The following ARID1B variants were observed in gnomAD, a reference collection of about 807,000 sequenced individuals.
ARID1B encodes AT-rich interactive domain-containing protein 1B.
In ARID1B, 30 loss-of-function variants were observed where a neutral mutation model predicts 212.3. The ratio of observed to expected loss-of-function variants is 0.14; its 90% confidence interval spans 0.11 to 0.19. The LOEUF is 0.19. Among genes scored for constraint, ARID1B ranks in the 10% least tolerant of loss-of-function variants. The pLI is 1.00. For synonymous variants in ARID1B, 1,402 were observed against 1,301.7 expected (o/e 1.08, Z -1.66); for missense variants, 2,891 against 3,204.0 (o/e 0.90, Z 2.36).
At chr6:157,040,254 ATAAAGGTC>A (rs1781793840) in intron 4 of ARID1B, among the ~76,000 whole-genome samples, 1 of 152,220 alleles carries the variant, frequency 6.6e-6, no homozygotes, top group African/African-American at 2.4e-5. Context: ...ACCTTATTTC[ATAAAGGTC>A]TAGGTATTCA....
intron 4 of ARID1B, among the ~76,000 whole-genome samples, chr6:157,073,159 G>A (rs937209169): frequency 4.1e-5 from 6 of 146,622 alleles, no homozygotes; most frequent in African/African-American, 1.5e-4. Context: ...CTGGAGTGCA[G>A]TGGTACAATC....
intron 5 of ARID1B, among the ~76,000 whole-genome samples, chr6:157,108,171 T>G (rs1438223944): frequency 6.6e-6 from 1 of 152,230 alleles, no homozygotes. Context: ...CTCTTGTATC[T>G]TTAACAGAAT....
At chr6:156,975,788 C>T (rs1162285362) in intron 4 of ARID1B, among the ~76,000 whole-genome samples, 1 of 152,022 alleles carries the variant, frequency 6.6e-6, no homozygotes, top group Non-Finnish European at 1.5e-5. Context: ...CACAGTGGTG[C>T]ATGTCACGAG....
At chr6:156,999,915 G>A (rs1778813003) in intron 4 of ARID1B, among the ~76,000 whole-genome samples, 1 of 152,220 alleles carries the variant, frequency 6.6e-6, no homozygotes, top group African/African-American at 2.4e-5. Context: ...AGAAGAGAAA[G>A]ACAACCAATA....
intron 1 of ARID1B, among the ~76,000 whole-genome samples, chr6:156,826,950 C>T (rs535718959): frequency 2.7e-4 from 41 of 152,228 alleles, no homozygotes; most frequent in African/African-American, 7.9e-4. Context: ...GGATTCTGTT[C>T]GCTACCCATT....
Position 156,908,952 on chromosome 6 carries a change from G to A in ARID1B, c.2136+7427G>A, listed in dbSNP as rs7771513. Reference sequence around the variant, plus strand: ...ATAATGAGCACTCCTATGCCCTCACGTAGTTTTAATATTACCAATATTTTC... The same window carrying A: ...ATAATGAGCACTCCTATGCCCTCACATAGTTTTAATATTACCAATATTTTC... On this transcript the variant is annotated intron_variant, in intron 3 of 19. Transcript: ENST00000636930. Among the ~76,000 whole-genome samples the A allele has an allele frequency of 3.3e-5, 5 of 151,998 alleles. No individual in the cohort carries two copies. In the South Asian group the frequency reaches 8.3e-4, roughly 25 times the overall value.
intron 7 of ARID1B, among the ~76,000 whole-genome samples, chr6:157,145,704 G>C (rs1012872343): frequency 5.3e-5 from 8 of 152,212 alleles, no homozygotes; most frequent in Non-Finnish European, 4.4e-5. Flanking sequence ...CTGTGTAGCA[G>C]AGTGTGTCAT....
intron 4 of ARID1B, among the ~76,000 whole-genome samples, chr6:157,061,365 T>C (rs1783331618): frequency 6.6e-6 from 1 of 152,178 alleles, no homozygotes; most frequent in Non-Finnish European, 1.5e-5. Flanking sequence ...GCACTTAGAA[T>C]GGTACGGAGC....
intron 4 of ARID1B, among the ~76,000 whole-genome samples, chr6:157,026,577 T>C (rs568753584): frequency 1.3e-5 from 2 of 152,274 alleles, no homozygotes; most frequent in Non-Finnish European, 2.9e-5. Flanking sequence ...TTTGTCTTCA[T>C]TGCTTCCAGT....
intron 5 of ARID1B, among the ~76,000 whole-genome samples, chr6:157,092,430 A>G (rs1329261079): frequency 1.3e-5 from 2 of 152,162 alleles, no homozygotes; most frequent in Non-Finnish European, 2.9e-5. Context: ...CAGATTCCCC[A>G]TTGCTGTCTG....
At chr6:156,927,619 A>G (rs1791329821) in intron 3 of ARID1B, among the ~76,000 whole-genome samples, 1 of 152,256 alleles carries the variant, frequency 6.6e-6, no homozygotes. Context: ...TAAGACTGCC[A>G]GTAACAAACA....
intron 2 of ARID1B, among the ~76,000 whole-genome samples, chr6:156,848,422 G>C (rs1449401167): frequency 6.6e-6 from 1 of 152,212 alleles, no homozygotes; most frequent in Non-Finnish European, 1.5e-5. Flanking sequence ...TGTTCACATT[G>C]CTGTTTATGT....
chr6:157,109,398 C>T (rs1273863645), intron 5 of ARID1B, among the ~76,000 whole-genome samples: 1 of 152,150 alleles, frequency 6.6e-6, no homozygotes, highest in Admixed American at 6.5e-5. Context: ...ACCACCGCCC[C>T]AGAGGACTAT....
chr6:156,930,997 T>C (rs1170037333), intron 3 of ARID1B, among the ~76,000 whole-genome samples: 4 of 152,074 alleles, frequency 2.6e-5, no homozygotes, highest in African/African-American at 9.7e-5. Context: ...GAGACCATTC[T>C]GGCCAACACA....
intron 6 of ARID1B, among the ~76,000 whole-genome samples, chr6:157,126,573 G>A (rs1788150077): frequency 6.6e-6 from 1 of 152,078 alleles, no homozygotes; most frequent in Admixed American, 6.6e-5. Flanking sequence ...GAAATTCCCT[G>A]ATCAGAACCC....
intron 8 of ARID1B, among the ~76,000 whole-genome samples, chr6:157,156,260 A>G (rs571782070): frequency 6.6e-6 from 1 of 152,224 alleles, no homozygotes; most frequent in Non-Finnish European, 1.5e-5. Context: ...AAGTCATGTT[A>G]TTGAAAGACA....
chr6:157,058,053 G>A (rs1278477479), intron 4 of ARID1B, among the ~76,000 whole-genome samples: 2 of 152,128 alleles, frequency 1.3e-5, no homozygotes, highest in Non-Finnish European at 2.9e-5. Flanking sequence ...CTTAAGGAAA[G>A]CAGTGGCATA....
chr6:157,048,058 A>C (rs926227619), intron 4 of ARID1B, among the ~76,000 whole-genome samples: 1 of 152,200 alleles, frequency 6.6e-6, no homozygotes, highest in African/African-American at 2.4e-5. Flanking sequence ...CAAGTTTTAA[A>C]GCAGATTCTG....
intron 4 of ARID1B, among the ~76,000 whole-genome samples, chr6:157,003,372 G>A (rs771798138): frequency 2.6e-5 from 4 of 152,154 alleles, no homozygotes; most frequent in Non-Finnish European, 5.9e-5. Flanking sequence ...ACCTCGTACT[G>A]TACATCCCGG....
Sources: allele counts gnomAD v4.1 joint callset (sites outside exome capture counted in the v4.1 genomes callset), GRCh38; gene constraint gnomAD v4.1.1; transcripts MANE v1.5; gene names NCBI Gene and HGNC (gene_info 2026-07-23, HGNC 2026-07-21).